Variants in EXOC6B observed in about 807,000 individuals in gnomAD.
EXOC6B encodes the protein exocyst complex component 6B, also known as SEC15 homolog B.
A neutral mutation model predicts 113.5 loss-of-function variants in EXOC6B; 54 were observed. That is an observed-to-expected ratio of 0.48 (90% CI 0.38 to 0.60). The LOEUF is 0.60. EXOC6B is among the 20% of genes least tolerant of loss of function. EXOC6B has a pLI of 0.00. For synonymous variants in EXOC6B, 357 were observed against 339.0 expected (o/e 1.05, Z -0.58); for missense variants, 797 against 977.5 (o/e 0.82, Z 2.46).
At chr2:72,534,903 T>A (rs1038623404) in intron 8 of EXOC6B, among the ~76,000 whole-genome samples, 1 of 152,170 alleles carries the variant, frequency 6.6e-6, no homozygotes, top group Non-Finnish European at 1.5e-5. Flanking sequence ...TTTGGTTTCT[T>A]TTTTCCAGGA....
Position 72,496,446 on chromosome 2 carries a change from T to A in EXOC6B, c.1443+8A>T. On this transcript the variant is annotated splice_region_variant and intron_variant, in intron 14 of 21. Coordinates refer to ENST00000272427, the MANE Select transcript of EXOC6B (RefSeq NM_015189.3). The stretch of plus-strand genomic sequence containing the variant: ...AACCAGAGAAATTTATTTTAAAGTA[T>A]TCCTTACCTTTTCCAGTTCTATATC... 1.3e-6 allele frequency: 2 copies of A among 1,529,088 alleles called. No homozygotes were observed. The highest frequency in any genetic ancestry group is 1.8e-6 in the Non-Finnish European group (2 of 1,113,930). The allele number at this position is 1,529,088 out of a possible 1,614,324, so 94.7% of individuals were successfully genotyped here. A position where few individuals can be genotyped will look rare whatever the true frequency, so the allele number is the denominator to read the frequency against.
At chr2:72,531,985 CA>C (rs1420440593) in intron 8 of EXOC6B, among the ~76,000 whole-genome samples, 1 of 150,560 alleles carries the variant, frequency 6.6e-6, no homozygotes, top group African/African-American at 2.4e-5. Context: ...GACTCCTTCT[CA>C]AAAAAAATAA....
chr2:72,661,302 G>GA (rs907009042), intron 6 of EXOC6B, among the ~76,000 whole-genome samples: 3 of 105,888 alleles, frequency 2.8e-5, no homozygotes, highest in Non-Finnish European at 3.8e-5. Context: ...AGATTACGAA[G>GA]AAAAAAAACT....
chr2:72,297,934 C>T (rs1686242411), intron 20 of EXOC6B, among the ~76,000 whole-genome samples: 1 of 152,056 alleles, frequency 6.6e-6, no homozygotes, highest in Non-Finnish European at 1.5e-5. Context: ...AGAATAAGTG[C>T]AATGTGGTGC....
intron 6 of EXOC6B, among the ~76,000 whole-genome samples, chr2:72,578,953 A>C (rs571582769): frequency 1.2e-4 from 18 of 152,284 alleles, no homozygotes; most frequent in Admixed American, 2.0e-4. Context: ...CAATGAAAGA[A>C]TGTAAGCAGG....
rs1178321834 is a variant in EXOC6B at position 72,189,860 on chromosome 2, C to CTTCTTTT, written c.2197-5674_2197-5673insAAAAGAA. Among the ~76,000 whole-genome samples the CTTCTTTT allele has an allele frequency of 7.2e-3, 629 of 87,222 alleles. 49 individuals are homozygous for CTTCTTTT. The highest frequency in any genetic ancestry group is 0.038 in the African/African-American group (588 of 15,354). The allele number at this position is 87,222 out of a possible 152,430, so 57.2% of individuals were successfully genotyped here. Reference sequence around the variant, plus strand: ...TCTCTCTCTCTTTCTCCTTCTTCTTCTTTTTTTTTTTTTTTTTTTTGAGGC... The same window carrying CTTCTTTT: ...TCTCTCTCTCTTTCTCCTTCTTCTTCTTCTTTTTTTTTTTTTTTTTTTTTTTTGAGGC... On this transcript the variant is annotated intron_variant, in intron 20 of 21. Transcript: ENST00000272427.
At chr2:72,189,860 C>CTTCTTTTTTTTTTT (rs1178321834) in intron 20 of EXOC6B, among the ~76,000 whole-genome samples, 7 of 87,252 alleles carry the variant, frequency 8.0e-5, no homozygotes, top group African/African-American at 4.6e-4. Flanking sequence ...CCTTCTTCTT[C>CTTCTTTTTTTTTTT]TTTTTTTTTT....
chr2:72,485,318 G>A (rs182942337), intron 16 of EXOC6B, among the ~76,000 whole-genome samples: 139 of 152,266 alleles, frequency 9.1e-4, no homozygotes, highest in Admixed American at 1.5e-3. Flanking sequence ...ACTGCTTTTA[G>A]CATGTTTCCC....
chr2:72,326,726 G>GTCT (rs1464812822), intron 20 of EXOC6B, among the ~76,000 whole-genome samples: 2 of 151,786 alleles, frequency 1.3e-5, no homozygotes, highest in African/African-American at 2.4e-5. Context: ...ACACCTAATG[G>GTCT]AAAGGGTGTT....
intron 11 of EXOC6B, among the ~76,000 whole-genome samples, chr2:72,509,378 A>T (rs1241247507): frequency 6.6e-6 from 1 of 152,220 alleles, no homozygotes; most frequent in Admixed American, 6.5e-5. Context: ...TATCACAATG[A>T]TGTTATTGGA....
chr2:72,800,312 C>G (rs1051348337), intron 1 of EXOC6B, among the ~76,000 whole-genome samples: 6 of 151,822 alleles, frequency 4.0e-5, no homozygotes, highest in South Asian at 2.1e-4. Context: ...ATTCTTATCA[C>G]CCAGTTAAAT....
At chr2:72,657,567 C>CTTTTTTTTTTTTTTTTTTTTTT (rs70963136) in intron 6 of EXOC6B, among the ~76,000 whole-genome samples, 2 of 50,356 alleles carry the variant, frequency 4.0e-5, no homozygotes, top group African/African-American at 9.6e-5. Context: ...CTTTCCTTTT[C>CTTTTTTTTTTTTTTTTTTTTTT]TTTTTTTTTT....
rs574815605 is a variant in EXOC6B at position 72,459,709 on chromosome 2, T to C, written c.1980+5451A>G. Among the ~76,000 whole-genome samples the C allele has an allele frequency of 7.2e-4, 109 of 151,964 alleles. 1 individual carries two copies. The Middle Eastern group carries it at 0.01, about 14-fold the overall frequency. ...CACTGCTCAAGGAAATAAAAGAGGA[T>C]ACAAACAAATGGAAGAACATTCCAT... is the stretch of plus-strand genomic sequence containing the variant. On this transcript the variant is annotated intron_variant, in intron 18 of 21. Transcript: ENST00000272427.
intron 8 of EXOC6B, among the ~76,000 whole-genome samples, chr2:72,538,405 C>G (rs917901297): frequency 6.6e-6 from 1 of 152,086 alleles, no homozygotes; most frequent in African/African-American, 2.4e-5. Flanking sequence ...CTTCTGGTAA[C>G]CACAGTAAAA....
At chr2:72,621,116 G>A (rs758428306) in intron 6 of EXOC6B, among the ~76,000 whole-genome samples, 1 of 152,118 alleles carries the variant, frequency 6.6e-6, no homozygotes, top group Non-Finnish European at 1.5e-5. Flanking sequence ...ACTTAAAGTA[G>A]AGTTACCACT....
At chr2:72,737,444 G>A (rs937284146) in intron 2 of EXOC6B, among the ~76,000 whole-genome samples, 5 of 152,100 alleles carry the variant, frequency 3.3e-5, no homozygotes, top group African/African-American at 9.7e-5. Context: ...ACCTACTTAT[G>A]AGAAAAGGTT....
At chr2:72,588,848 A>T (rs1276811420) in intron 6 of EXOC6B, among the ~76,000 whole-genome samples, 1 of 152,046 alleles carries the variant, frequency 6.6e-6, no homozygotes, top group African/African-American at 2.4e-5. Context: ...ATTTGTGTGA[A>T]GCAATAATGA....
rs1675589147 is a variant in EXOC6B at position 72,668,961 on chromosome 2, C to T, written c.669+49142G>A. On this transcript the variant is annotated intron_variant, in intron 6 of 21. Transcript: ENST00000272427. ...AAATTGCTGGGTGTGGTGGCATGCA[C>T]CTGTGGTCCTAGCCACTTGGGAGTC... is the stretch of plus-strand genomic sequence containing the variant. Among the ~76,000 whole-genome samples the T allele has an allele frequency of 5.3e-5, 8 of 152,270 alleles. No homozygotes were observed. The South Asian group carries it at 1.7e-3, about 32-fold the overall frequency.
intron 18 of EXOC6B, among the ~76,000 whole-genome samples, chr2:72,450,585 T>A (rs1696854557): frequency 6.6e-6 from 1 of 152,186 alleles, no homozygotes; most frequent in South Asian, 2.1e-4. Flanking sequence ...TTTTAGGTAG[T>A]GATGTTTTTT....
Sources: allele counts gnomAD v4.1 joint callset (sites outside exome capture counted in the v4.1 genomes callset), GRCh38; gene constraint gnomAD v4.1.1; transcripts MANE v1.5; gene names NCBI Gene and HGNC (gene_info 2026-07-23, HGNC 2026-07-21).